UVRAG: variants seen among roughly 807,000 people sequenced by gnomAD.
UVRAG encodes UV radiation resistance-associated gene protein.
UVRAG carries 19 observed loss-of-function variants against 78.0 expected under a neutral mutation model. The observed-to-expected ratio is 0.24, with a 90% CI of 0.17 to 0.36. The LOEUF is 0.36. Among genes scored for constraint, UVRAG ranks in the 10% least tolerant of loss-of-function variants. UVRAG has a pLI of 1.00. For synonymous variants in UVRAG, 323 were observed against 324.6 expected (o/e 1.00, Z 0.05); for missense variants, 740 against 853.8 (o/e 0.87, Z 1.66).
chr11:75,951,933 G>A lies in UVRAG; in HGVS notation c.594-9511G>A, dbSNP rs1013400091. 2.0e-5 allele frequency among the ~76,000 whole-genome samples: 3 copies of A among 152,100 alleles called. 1 individual carries two copies. The highest frequency in any genetic ancestry group is 1.5e-5 in the Non-Finnish European group (1 of 68,010). Reference sequence around the variant, plus strand: ...TGCTTTGGCTCTAGATCAATTTAGGGAGACTTGACTGCTTAATAATATCGT... The same window carrying A: ...TGCTTTGGCTCTAGATCAATTTAGGAAGACTTGACTGCTTAATAATATCGT... On this transcript the variant is annotated intron_variant, in intron 6 of 14. Transcript: ENST00000356136.
At chr11:76,101,959 C>T (rs1432932255) in intron 13 of UVRAG, among the ~76,000 whole-genome samples, 1 of 152,126 alleles carries the variant, frequency 6.6e-6, no homozygotes, top group East Asian at 1.9e-4. Context: ...TGTACCAGTA[C>T]GATGCTGTTT....
chr11:75,952,149 C>G (rs538510191), intron 6 of UVRAG, among the ~76,000 whole-genome samples: 4 of 152,152 alleles, frequency 2.6e-5, no homozygotes, highest in Admixed American at 6.5e-5. Flanking sequence ...TGCAATTTGC[C>G]GAATTTACTC....
At chr11:76,136,276 A>G (rs1247343983) in intron 14 of UVRAG, among the ~76,000 whole-genome samples, 6 of 152,176 alleles carry the variant, frequency 3.9e-5, no homozygotes, top group Admixed American at 3.3e-4. Flanking sequence ...TTAAAAATCT[A>G]TGCATTATGT....
At chr11:76,055,989 G>T (rs574449297) in intron 12 of UVRAG, among the ~76,000 whole-genome samples, 1 of 152,168 alleles carries the variant, frequency 6.6e-6, no homozygotes, top group Non-Finnish European at 1.5e-5. Flanking sequence ...GATTACAGGC[G>T]TGAGCCACTG....
intron 12 of UVRAG, among the ~76,000 whole-genome samples, chr11:76,041,173 A>G (rs1950641735): frequency 1.3e-5 from 2 of 151,978 alleles, no homozygotes; most frequent in African/African-American, 4.9e-5. Flanking sequence ...CAGTCAGAAA[A>G]GCAGAATTAG....
chr11:76,062,766 A>G (rs552815937), intron 12 of UVRAG, among the ~76,000 whole-genome samples: 9 of 152,332 alleles, frequency 5.9e-5, no homozygotes, highest in Non-Finnish European at 1.0e-4. Context: ...TTAAATAACA[A>G]TAATACTGAC....
At chr11:75,901,371 C>T (rs1485659002) in intron 5 of UVRAG, among the ~76,000 whole-genome samples, 1 of 151,966 alleles carries the variant, frequency 6.6e-6, no homozygotes, top group Non-Finnish European at 1.5e-5. Context: ...AAATATAGAA[C>T]ACTGGCAAGT....
chr11:76,003,655 C>T (rs1374218369), intron 8 of UVRAG, among the ~76,000 whole-genome samples: 1 of 152,072 alleles, frequency 6.6e-6, no homozygotes, highest in Non-Finnish European at 1.5e-5. Context: ...TATTCCGTAG[C>T]ATTTTTGGTT....
chr11:75,918,038 T>C (rs1008701235), intron 6 of UVRAG, among the ~76,000 whole-genome samples: 8 of 152,150 alleles, frequency 5.3e-5, no homozygotes, highest in Admixed American at 1.3e-4. Context: ...CTTAAATCCT[T>C]ACAATCTTTT....
At chr11:75,870,283 T>C (rs1162441542) in intron 3 of UVRAG, among the ~76,000 whole-genome samples, 2 of 152,212 alleles carry the variant, frequency 1.3e-5, no homozygotes, top group Non-Finnish European at 2.9e-5. Context: ...TTGTATTGGC[T>C]TAGAAAGAAC....
chr11:75,990,743 GT>G lies in UVRAG; in HGVS notation c.826+7233del, dbSNP rs1263519905. Among the ~76,000 whole-genome samples the G allele has an allele frequency of 3.3e-5, 5 of 152,226 alleles. No individual in the cohort carries two copies. The East Asian group carries it at 9.6e-4, about 29-fold the overall frequency. ...CCCTAGGTTAAATGTACTACTGTGT[GT>G]TTCCATAGCACCCTATATTTTTCCA... On this transcript the variant is annotated intron_variant, in intron 8 of 14. Transcript: ENST00000356136.
chr11:76,002,757 T>C (rs1949840730), intron 8 of UVRAG, among the ~76,000 whole-genome samples: 1 of 152,124 alleles, frequency 6.6e-6, no homozygotes, highest in South Asian at 2.1e-4. Context: ...CATAGTATGT[T>C]GAAAGAGAAG....
chr11:75,912,179 T>G, intron 6 of UVRAG, 140 bp downstream of exon 6: 2 of 631,730 alleles, frequency 3.2e-6, no homozygotes, highest in East Asian at 2.7e-5. Flanking sequence ...GCGTCATAAA[T>G]TTTGTAGCTA....
At chr11:75,981,333 A>G (rs1218875701) in intron 7 of UVRAG, among the ~76,000 whole-genome samples, 1 of 152,142 alleles carries the variant, frequency 6.6e-6, no homozygotes, top group African/African-American at 2.4e-5. Flanking sequence ...GCTGGTCTCA[A>G]ACTCCTGGCC....
intron 13 of UVRAG, among the ~76,000 whole-genome samples, chr11:76,107,373 T>C (rs1951990093): frequency 6.6e-6 from 1 of 152,186 alleles, no homozygotes; most frequent in South Asian, 2.1e-4. Context: ...TCTTCAGAGG[T>C]GCCATTCAGC....
In UVRAG at chr11:76,008,864, C is replaced by G. The variant is rs1183319816; in HGVS notation, c.1057C>G (p.Gln353Glu). Reference protein sequence around the residue: ...GVKLPNSEDFQAKDDGSIAVA... With the variant: ...GVKLPNSEDFEAKDDGSIAVA... Reference sequence around the variant, plus strand: ...CAAGTTGCCTAATTCTGAGGACTTCCAAGGTATTTTATTTTTTATTTTGAA... The same window carrying G: ...CAAGTTGCCTAATTCTGAGGACTTCGAAGGTATTTTATTTTTTATTTTGAA... Residue 353 changes from glutamine to glutamate, a missense_variant, in exon 11 of 15, where the codon CAA becomes GAA. Transcript: ENST00000356136. 4 of 1,452,254 alleles carry G rather than the reference C, an allele frequency of 2.8e-6. No individual in the cohort carries two copies. Among genetic ancestry groups the G allele is most frequent in the Non-Finnish European group, 3.7e-6 (4 of 1,073,042 alleles). The allele number at this position is 1,452,254 out of a possible 1,614,324, so 90.0% of individuals were successfully genotyped here. A position where few individuals can be genotyped will look rare whatever the true frequency, so the allele number is the denominator to read the frequency against.
intron 1 of UVRAG, among the ~76,000 whole-genome samples, chr11:75,842,587 G>A (rs1474152894): frequency 1.3e-5 from 2 of 151,870 alleles, no homozygotes; most frequent in East Asian, 1.9e-4. Context: ...GATTACAGGC[G>A]CCCGCCATCA....
intron 5 of UVRAG, among the ~76,000 whole-genome samples, chr11:75,898,518 A>C (rs72999558): frequency 0.095 from 14,487 of 152,242 alleles, 934 homozygotes; most frequent in Non-Finnish European, 0.15. Flanking sequence ...GTAAGTACTT[A>C]TGGAATAAAA....
rs1440265246 is a variant in UVRAG, at chr11:76,143,253, A to G, written c.*1840A>G. 1 of 152,202 alleles carries G rather than the reference A, an allele frequency of 6.6e-6. No homozygotes were observed. Among genetic ancestry groups the G allele is most frequent in the East Asian group, 1.9e-4 (1 of 5,200 alleles). The allele number at this position is 152,202 out of a possible 1,614,324, so 9.4% of individuals were successfully genotyped here. On this transcript the variant is annotated 3_prime_UTR_variant, in exon 15 of 15. Coordinates refer to ENST00000356136, the MANE Select transcript of UVRAG (RefSeq NM_003369.4). Reference sequence around the variant, plus strand: ...GAAGGTCAACCCCGTGGGACTTACGATTGCCCCAGGTGCGGGATGGACTTA... The same window carrying G: ...GAAGGTCAACCCCGTGGGACTTACGGTTGCCCCAGGTGCGGGATGGACTTA...
Sources: allele counts gnomAD v4.1 joint callset (sites outside exome capture counted in the v4.1 genomes callset), GRCh38; gene constraint gnomAD v4.1.1; transcripts MANE v1.5; gene names NCBI Gene and HGNC (gene_info 2026-07-23, HGNC 2026-07-21).